Variants in ADGRB2 observed in about 807,000 individuals in gnomAD.
ADGRB2 encodes adhesion G protein-coupled receptor B2.
Under a neutral mutation model 178.7 loss-of-function variants are expected in ADGRB2, and 47 were observed. That is an observed-to-expected ratio of 0.26 (90% CI 0.21 to 0.34). The LOEUF is 0.34. Among genes scored for constraint, ADGRB2 ranks in the 10% least tolerant of loss-of-function variants. The pLI is 1.00. For missense variants in ADGRB2, 1,584 were observed against 2,180.8 expected (o/e 0.73, Z 5.45); for synonymous variants, 870 against 912.4 (o/e 0.95, Z 0.84).
Position 31,762,585 on chromosome 1 carries a change from G to C in ADGRB2, c.-191+1299C>G, listed in dbSNP as rs151309784. Among the ~76,000 whole-genome samples the C allele has an allele frequency of 2.6e-3, 403 of 152,314 alleles. 2 individuals are homozygous for C. Among genetic ancestry groups the C allele is most frequent in the African/African-American group, 8.9e-3 (370 of 41,564 alleles). Reference sequence around the variant, plus strand: ...TGAAGGCTCAAAGGACTCTTGACTTGCTGCTGGGGTGAGCCCTCCACCCCA... The same window carrying C: ...TGAAGGCTCAAAGGACTCTTGACTTCCTGCTGGGGTGAGCCCTCCACCCCA... On this transcript the variant is annotated intron_variant, in intron 1 of 32. Coordinates refer to ENST00000373658, the MANE Select transcript of ADGRB2 (RefSeq NM_001364857.2).
In ADGRB2 at chr1:31,744,045, G is replaced by C. The variant is rs908859385; in HGVS notation, c.1087+148C>G. On this transcript the variant is annotated intron_variant, in intron 6 of 32. Transcript: ENST00000373658. This position sits in a 1 kb window ranked among gnomAD's most constrained non-coding sequence, Gnocchi z 6.7. ...CAGTGCCCTGCACCGGGCTGGCATG[G>C]TACGCAGAGTTGGGCATGGTGTGGG... 1 of 1,084,936 alleles carries C rather than the reference G, an allele frequency of 9.2e-7. No individual in the cohort carries two copies. Among genetic ancestry groups the C allele is most frequent in the Non-Finnish European group, 1.3e-6 (1 of 772,242 alleles). 67.2% of individuals were successfully genotyped at this position (1,084,936 alleles called of 1,614,324 possible).
rs1048387808 is a variant in ADGRB2 at position 31,742,199 on chromosome 1, T to C, written c.1271A>G (p.Glu424Gly). ...AACPVEGQWL[E>G]WGPWGPCSTS... ...GGAGCATGGGCCCCAGGGACCCCATTCTAACCACTGGCCTTCCACTGCATG... is the reference window on the plus strand; with the variant it reads ...GGAGCATGGGCCCCAGGGACCCCATCCTAACCACTGGCCTTCCACTGCATG... Residue 424 changes from glutamate (E) to glycine (G), a missense_variant, in exon 8 of 33, where the codon GAA becomes GGA. Glu to Gly is a moderately conservative substitution (Grantham distance 98). Coordinates refer to ENST00000373658, the MANE Select transcript of ADGRB2 (RefSeq NM_001364857.2). 6.2e-7 allele frequency: 1 copy of C among 1,607,540 alleles called. No individual in the cohort carries two copies. The highest frequency in any genetic ancestry group is 8.5e-7 in the Non-Finnish European group (1 of 1,176,726).
At position 31,763,985 on chromosome 1, in the gene ADGRB2, T is replaced by A. The variant is rs1193129831; in HGVS notation, c.-292A>T. 1.0e-6 allele frequency: 1 copy of A among 976,008 alleles called. No individual in the cohort carries two copies. The highest frequency in any genetic ancestry group is 1.2e-6 in the Non-Finnish European group (1 of 827,264). 60.5% of individuals were successfully genotyped at this position (976,008 alleles called of 1,614,324 possible). A position where few individuals can be genotyped will look rare whatever the true frequency, so the allele number is the denominator to read the frequency against. The stretch of plus-strand genomic sequence containing the variant: ...GTCGGGGACCGGGCCGGGCGCAGGG[T>A]AGGTAGCTGCAGCCGCGCGGAGGGC... On this transcript the variant is annotated 5_prime_UTR_variant, in exon 1 of 33. Transcript: ENST00000373658.
chr1:31,747,443 T>C (rs1489498384), intron 4 of ADGRB2, among the ~76,000 whole-genome samples: 1 of 152,040 alleles, frequency 6.6e-6, no homozygotes, highest in East Asian at 1.9e-4. Flanking sequence ...CACCATCTAC[T>C]CTCAAATCTC....
At position 31,744,187 on chromosome 1, in the gene ADGRB2, G is replaced by GCCTA; in HGVS notation, c.1087+2_1087+5dup. ...GCAGGTGGGGTGGGGAGGAGGATGG[G>GCCTA]CCTACCTGGGCAGGTGGCTGAATTG... On this transcript the variant is annotated splice_donor_region_variant and intron_variant, in intron 6 of 32. Transcript: ENST00000373658. The surrounding 1 kb of genome is among the most constrained non-coding windows in gnomAD (Gnocchi z 6.7). 1 of 1,524,890 alleles carries GCCTA rather than the reference G, an allele frequency of 6.6e-7. No homozygotes were observed. The highest frequency in any genetic ancestry group is 1.4e-5 in the African/African-American group (1 of 72,156). The allele number at this position is 1,524,890 out of a possible 1,614,324, so 94.5% of individuals were successfully genotyped here.
rs1026648960 is a variant in ADGRB2, at chr1:31,754,299, G to A, written c.838+1700C>T. Among the ~76,000 whole-genome samples the A allele has an allele frequency of 1.3e-5, 2 of 152,234 alleles. No homozygotes were observed. The highest frequency in any genetic ancestry group is 4.8e-5 in the African/African-American group (2 of 41,456). The stretch of plus-strand genomic sequence containing the variant: ...ATGGCAGCCCGCCCAGATGGTGCCC[G>A]CCCATGAGGGCAGAGCCTTGCTCCG... On this transcript the variant is annotated intron_variant, in intron 4 of 32. Coordinates refer to ENST00000373658, the MANE Select transcript of ADGRB2 (RefSeq NM_001364857.2). This position sits in a 1 kb window ranked among gnomAD's most constrained non-coding sequence, Gnocchi z 5.7.
chr1:31,755,916 G>A lies in ADGRB2; in HGVS notation c.838+83C>T. ...GACATCAGTGAACAGCTACATGCAT[G>A]GCCGAGGATCTGCCAGGATGGACAC... On this transcript the variant is annotated intron_variant, in intron 4 of 32. Coordinates refer to ENST00000373658, the MANE Select transcript of ADGRB2 (RefSeq NM_001364857.2). This position sits in a 1 kb window ranked among gnomAD's most constrained non-coding sequence, Gnocchi z 5.1. The A allele has an allele frequency of 6.6e-7, 1 of 1,517,880 alleles. No individual in the cohort carries two copies. The highest frequency in any genetic ancestry group is 8.9e-7 in the Non-Finnish European group (1 of 1,125,944). The allele number at this position is 1,517,880 out of a possible 1,614,324, so 94.0% of individuals were successfully genotyped here.
chr1:31,764,293 T>G lies in ADGRB2; in HGVS notation c.-600A>C, dbSNP rs1229775315. On this transcript the variant is annotated 5_prime_UTR_variant, in exon 1 of 33. Transcript: ENST00000373658. The surrounding 1 kb of genome is among the most constrained non-coding windows in gnomAD (Gnocchi z 7.3). ...CCGCCGCCGCTGCCGCCGAACCCGG[T>G]TCCTCCGGCCGCTCCGGCCGCTGCC... 2.6e-5 allele frequency: 4 copies of G among 153,164 alleles called. No homozygotes were observed. The highest frequency in any genetic ancestry group is 2.7e-5 in the Non-Finnish European group (2 of 73,970). The allele number at this position is 153,164 out of a possible 1,614,324, so 9.5% of individuals were successfully genotyped here. A position where few individuals can be genotyped will look rare whatever the true frequency, so the allele number is the denominator to read the frequency against.
chr1:31,747,660 G>A (rs916629106), intron 4 of ADGRB2, among the ~76,000 whole-genome samples: 7 of 152,106 alleles, frequency 4.6e-5, no homozygotes, highest in Non-Finnish European at 7.3e-5. Flanking sequence ...CCATAAGCCC[G>A]TTGAGGGAAG....
Position 31,756,711 on chromosome 1 carries a change from G to A in ADGRB2, c.126C>T (p.Ala42=), listed in dbSNP as rs1477059290. The A allele has an allele frequency of 1.9e-6, 3 of 1,598,722 alleles. No individual in the cohort carries two copies. Among genetic ancestry groups the A allele is most frequent in the Non-Finnish European group, 2.6e-6 (3 of 1,173,254 alleles). ...AFDPAPSACS[A]LASGVLYGAF... ...CCCCGTAGAGCACACCCGAGGCCAGGGCAGAGCAGGCACTGGGGGCGGGGT... is the reference window on the plus strand; with the variant it reads ...CCCCGTAGAGCACACCCGAGGCCAGAGCAGAGCAGGCACTGGGGGCGGGGT... Residue 42 remains alanine (A), a synonymous_variant, in exon 4 of 33, where the codon GCC becomes GCT. Transcript: ENST00000373658. The surrounding 1 kb of genome is among the most constrained non-coding windows in gnomAD (Gnocchi z 8.5).
Position 31,764,106 on chromosome 1 carries a change from CTGCCGCCGCCGCCGCCGCCGCCTCCT to C in ADGRB2, c.-439_-414del. 1.0e-6 allele frequency: 1 copy of C among 957,688 alleles called. No homozygotes were observed. The highest frequency in any genetic ancestry group is 4.7e-5 in the South Asian group (1 of 21,378). 59.3% of individuals were successfully genotyped at this position (957,688 alleles called of 1,614,324 possible). A position where few individuals can be genotyped will look rare whatever the true frequency, so the allele number is the denominator to read the frequency against. The stretch of plus-strand genomic sequence containing the variant: ...GCGGCGCCGGGCCGGGCGCGGGCTC[CTGCCGCCGCCGCCGCCGCCGCCTCCT>C]TGCCGCGCCGCCCCCCGCTCCCCCG... On this transcript the variant is annotated 5_prime_UTR_variant, in exon 1 of 33. Coordinates refer to ENST00000373658, the MANE Select transcript of ADGRB2 (RefSeq NM_001364857.2). The surrounding 1 kb of genome is among the most constrained non-coding windows in gnomAD (Gnocchi z 7.3).
At chr1:31,757,598 C>T in intron 1 of ADGRB2, 87 bp from the exon 2 acceptor site, 1 of 248,350 alleles carries the variant, frequency 4.0e-6, no homozygotes. Flanking sequence ...GTGGGTGACC[C>T]TCATGAGTCT....
Position 31,756,442 on chromosome 1 carries a change from T to C in ADGRB2, c.395A>G (p.Glu132Gly). 6.2e-7 allele frequency: 1 copy of C among 1,611,474 alleles called. No homozygotes were observed. Among genetic ancestry groups the C allele is most frequent in the Non-Finnish European group, 8.5e-7 (1 of 1,178,962 alleles). ...CTCCAACCCCGCTGCCGCCTCTGCCTCCTCCTCTTCTGGCCGCCCCACCTC... is the reference window on the plus strand; with the variant it reads ...CTCCAACCCCGCTGCCGCCTCTGCCCCCTCCTCTTCTGGCCGCCCCACCTC... ...ESEVGRPEEE[E>G]AEAAAGLELC... is the part of the protein sequence containing the mutation. The change falls in exon 4 of 33, where the codon GAG becomes GGG. Residue 132 changes from glutamate to glycine, a missense_variant. Physicochemically the swap from Glu to Gly is moderately conservative, Grantham distance 98. This residue lies in a region of ADGRB2 where 657 missense variants were observed against 847.6 expected (regional missense o/e 0.78). Coordinates refer to ENST00000373658, the MANE Select transcript of ADGRB2 (RefSeq NM_001364857.2). The surrounding 1 kb of genome is among the most constrained non-coding windows in gnomAD (Gnocchi z 8.5).
intron 4 of ADGRB2, among the ~76,000 whole-genome samples, chr1:31,746,217 C>T (rs1186387156): frequency 6.6e-6 from 1 of 152,192 alleles, no homozygotes; most frequent in African/African-American, 2.4e-5. Context: ...AAACCCTCAG[C>T]ACCCTGCTTG....
Position 31,756,026 on chromosome 1 carries a change from C to A in ADGRB2, c.811G>T (p.Asp271Tyr). 22 of 1,613,640 alleles carry A rather than the reference C, an allele frequency of 1.4e-5. No homozygotes were observed. Among genetic ancestry groups the A allele is most frequent in the South Asian group, 2.2e-5 (2 of 91,026 alleles). The change falls in exon 4 of 33, where the codon GAT becomes TAT. Residue 271 changes from aspartate to tyrosine, a missense_variant. By Grantham distance (160) the Asp-to-Tyr change is radical. Transcript: ENST00000373658. This position sits in a 1 kb window ranked among gnomAD's most constrained non-coding sequence, Gnocchi z 8.5. ...EADLHSGSSN[D>Y]LFTTEMRYGE... ...TATCTCATCTCGGTTGTGAACAGAT[C>A]ATTGCTGCTCCCCGAGTGCAAATCG...
At chr1:31,748,490 T>C (rs35186667) in intron 4 of ADGRB2, among the ~76,000 whole-genome samples, 2,338 of 152,346 alleles carry the variant, frequency 0.015, 22 homozygotes, top group Non-Finnish European at 0.022. Context: ...AACAAACACT[T>C]AGTCAGCACA....
rs41263977 is a variant in ADGRB2 at position 31,727,584 on chromosome 1, G to A, written c.4594C>T (p.Arg1532Cys). The A allele has an allele frequency of 9.0e-3, 13,983 of 1,548,822 alleles. 85 individuals carry two copies. Among genetic ancestry groups the A allele is most frequent in the Non-Finnish European group, 0.01 (11,644 of 1,154,960 alleles). ...CGCCGATGTTGGGACAAGCTGGGGC[G>A]CTCCCCAGGGCTGGGCTTATCCTGT... ...VCTDKPSPGERPSLSQHRRHQ... is the reference protein window; with the variant it reads ...VCTDKPSPGECPSLSQHRRHQ... The change falls in exon 33 of 33, where the codon CGC (arginine) becomes TGC (cysteine). Residue 1532 changes from arginine (R) to cysteine (C), a missense_variant. Physicochemically the swap from Arg to Cys is radical, Grantham distance 180 (BLOSUM62 -3). Transcript: ENST00000373658. The surrounding 1 kb of genome is among the most constrained non-coding windows in gnomAD (Gnocchi z 4.4).
Position 31,740,221 on chromosome 1 carries a change from G to C in ADGRB2, c.1990-43C>G. 1 of 1,611,390 alleles carries C rather than the reference G, an allele frequency of 6.2e-7. No homozygotes were observed. The highest frequency in any genetic ancestry group is 1.1e-5 in the South Asian group (1 of 90,966). ...AGTGGCAGGGGGTCCTAGCCCCAGG[G>C]AACAGGGGGCTTCCCCCACTATAGC... On this transcript the variant is annotated intron_variant, in intron 12 of 32. Transcript: ENST00000373658. The surrounding 1 kb of genome is among the most constrained non-coding windows in gnomAD (Gnocchi z 5.9).
rs1646849917 is a variant in ADGRB2, at chr1:31,756,640, G to C, written c.197C>G (p.Ser66Cys). Residue 66 changes from serine (S) to cysteine (C), a missense_variant, in exon 4 of 33, where the codon TCC becomes TGC. By Grantham distance (112) the Ser-to-Cys change is moderately radical. Coordinates refer to ENST00000373658, the MANE Select transcript of ADGRB2 (RefSeq NM_001364857.2). The surrounding 1 kb of genome is among the most constrained non-coding windows in gnomAD (Gnocchi z 8.5). ...DLFPTIASGC[S>C]WTLENPDPTK... ...GGGGTCAGGGTTCTCCAGGGTCCAG[G>C]AGCAGCCCGAGGCGATGGTAGGAAA... 1.2e-6 allele frequency: 2 copies of C among 1,608,564 alleles called. No homozygotes were observed.
Sources: gnomAD v4.1 joint callset for allele counts (sites outside exome capture counted in the v4.1 genomes callset) on GRCh38, gnomAD v4.1.1 for gene constraint, gnomAD v4.1.1 regional missense constraint, Gnocchi (gnomAD v3.1) non-coding constraint, MANE v1.5 for transcripts, NCBI Gene and HGNC (gene_info 2026-07-23, HGNC 2026-07-21) for gene names.